CAND2: variants seen among roughly 807,000 people sequenced by gnomAD.
CAND2 encodes the protein cullin-associated NEDD8-dissociated protein 2.
Under a neutral mutation model 98.9 loss-of-function variants are expected in CAND2, and 62 were observed. That is an observed-to-expected ratio of 0.63 (90% CI 0.51 to 0.77). The LOEUF is 0.77. CAND2 is among the 30% of genes least tolerant of loss of function. CAND2 has a pLI of 0.00. For missense variants in CAND2, 1,501 were observed against 1,655.2 expected, an observed-to-expected ratio of 0.91 and a Z score of 1.62; for synonymous variants, 770 against 731.9, an observed-to-expected ratio of 1.05 and a Z score of -0.84.
Position 12,834,311 on chromosome 3 carries a change from A to T in CAND2, c.*329A>T, listed in dbSNP as rs1334391669. ...CTTCAGAGGGTGTCTCTGCCTCACA[A>T]ACTAGTAGTATTTAGAAATAGGCTG... On this transcript the variant is annotated 3_prime_UTR_variant, in exon 15 of 15. Coordinates refer to ENST00000456430, the MANE Select transcript of CAND2 (RefSeq NM_001162499.2). The T allele has an allele frequency of 1.3e-5, 4 of 303,264 alleles. No individual in the cohort carries two copies. The highest frequency in any genetic ancestry group is 2.5e-5 in the Non-Finnish European group (4 of 159,590). 18.8% of individuals were successfully genotyped at this position (303,264 alleles called of 1,614,324 possible). A position where few individuals can be genotyped will look rare whatever the true frequency, so the allele number is the denominator to read the frequency against.
intron 11 of CAND2, among the ~76,000 whole-genome samples, chr3:12,824,628 T>G (rs1559557728): frequency 6.6e-6 from 1 of 151,976 alleles, no homozygotes; most frequent in Non-Finnish European, 1.5e-5. Context: ...ACTGTACAAG[T>G]CTGGGCACAG....
Position 12,822,851 on chromosome 3 carries a change from C to T in CAND2, c.3041-2619C>T, listed in dbSNP as rs369852050. On this transcript the variant is annotated intron_variant, in intron 11 of 14. Coordinates refer to ENST00000456430, the MANE Select transcript of CAND2 (RefSeq NM_001162499.2). ...ATGTCTATACGCAGAGACACAAACA[C>T]ATACGTGTATACATGTGCTTCCAGA... Among the ~76,000 whole-genome samples the T allele has an allele frequency of 9.2e-5, 14 of 152,324 alleles. 1 individual carries two copies. Among genetic ancestry groups the T allele is most frequent in the Admixed American group, 6.5e-4 (10 of 15,304 alleles).
chr3:12,821,094 T>C (rs4549256), intron 11 of CAND2, among the ~76,000 whole-genome samples: 104,458 of 151,666 alleles, frequency 0.69, 36,366 homozygotes, highest in African/African-American at 0.78. Flanking sequence ...ATGAGCCGGG[T>C]ATGATGGCAG....
At chr3:12,825,706 G>T in intron 12 of CAND2, 67 bp downstream of exon 12, 1 of 1,451,568 alleles carries the variant, frequency 6.9e-7, no homozygotes, top group Non-Finnish European at 9.4e-7. Flanking sequence ...CTCACTGTTA[G>T]GGCATTATTA....
At chr3:12,828,442 A>AT (rs2062021442) in intron 13 of CAND2, among the ~76,000 whole-genome samples, 1 of 148,942 alleles carries the variant, frequency 6.7e-6, no homozygotes, top group African/African-American at 2.5e-5. Flanking sequence ...GGTTCAAGCG[A>AT]TTCTCCTGCC....
chr3:12,816,914 T>G lies in CAND2; in HGVS notation c.1982T>G (p.Leu661Arg). The G allele has an allele frequency of 1.9e-6, 3 of 1,613,792 alleles. No individual in the cohort carries two copies. Among genetic ancestry groups the G allele is most frequent in the African/African-American group, 1.3e-5 (1 of 75,042 alleles). Residue 661 changes from leucine (L) to arginine (R), a missense_variant, in exon 10 of 15, where the codon CTG becomes CGG. Physicochemically the swap from Leu to Arg is moderately radical, Grantham distance 102. Coordinates refer to ENST00000456430, the MANE Select transcript of CAND2 (RefSeq NM_001162499.2). The stretch of plus-strand genomic sequence containing the variant: ...GCACTGCACATTCTGGCCTCATTCC[T>G]GCGGAAGAACCAGCGGGCTTTGCGA... ...AEALHILASF[L>R]RKNQRALRLA...
At chr3:12,801,060 T>C (rs911374016) in intron 1 of CAND2, among the ~76,000 whole-genome samples, 1 of 121,146 alleles carries the variant, frequency 8.3e-6, no homozygotes, top group Non-Finnish European at 1.7e-5. Context: ...TTTTTTGAGA[T>C]GGATACTCGC....
At chr3:12,803,373 C>A in intron 1 of CAND2, 115 bp from the exon 2 acceptor site, 1 of 929,508 alleles carries the variant, frequency 1.1e-6, no homozygotes, top group Non-Finnish European at 1.6e-6. Flanking sequence ...CACAGGACTG[C>A]ATTTGACCTC....
rs2062083224 is a variant in CAND2 at position 12,834,489 on chromosome 3, T to C, written c.*507T>C. ...TTTAAAATTCAAAACGGTTCATTTTTAAGTGGCAGTGATGAATCAGAAATT... is the reference window on the plus strand; with the variant it reads ...TTTAAAATTCAAAACGGTTCATTTTCAAGTGGCAGTGATGAATCAGAAATT... On this transcript the variant is annotated 3_prime_UTR_variant, in exon 15 of 15. Coordinates refer to ENST00000456430, the MANE Select transcript of CAND2 (RefSeq NM_001162499.2). 6.4e-6 allele frequency: 1 copy of C among 155,136 alleles called. No homozygotes were observed. The highest frequency in any genetic ancestry group is 2.4e-5 in the African/African-American group (1 of 41,498). The allele number at this position is 155,136 out of a possible 1,614,324, so 9.6% of individuals were successfully genotyped here.
chr3:12,826,407 T>C (rs1308830217), intron 12 of CAND2, among the ~76,000 whole-genome samples: 1 of 146,590 alleles, frequency 6.8e-6, no homozygotes, highest in Non-Finnish European at 1.5e-5. Context: ...GGTTGAAAGC[T>C]TCAGAAAGAC....
intron 2 of CAND2, among the ~76,000 whole-genome samples, chr3:12,804,070 G>C (rs1480455498): frequency 2.0e-5 from 3 of 152,118 alleles, no homozygotes; most frequent in Non-Finnish European, 2.9e-5. Flanking sequence ...GTAGGATGGA[G>C]GGTTGTCCAC....
chr3:12,834,339 C>A lies in CAND2; in HGVS notation c.*357C>A. The A allele has an allele frequency of 4.3e-6, 1 of 234,060 alleles. No homozygotes were observed. Among genetic ancestry groups the A allele is most frequent in the Non-Finnish European group, 8.5e-6 (1 of 117,476 alleles). 14.5% of individuals were successfully genotyped at this position (234,060 alleles called of 1,614,324 possible). On this transcript the variant is annotated 3_prime_UTR_variant, in exon 15 of 15. Coordinates refer to ENST00000456430, the MANE Select transcript of CAND2 (RefSeq NM_001162499.2). Reference sequence around the variant, plus strand: ...TAGTAGTATTTAGAAATAGGCTGTGCTGTCAGCTGTAAAAGATCAGGAGGC... The same window carrying A: ...TAGTAGTATTTAGAAATAGGCTGTGATGTCAGCTGTAAAAGATCAGGAGGC...
intron 11 of CAND2, among the ~76,000 whole-genome samples, chr3:12,825,116 CTT>C (rs528083266): frequency 7.0e-6 from 1 of 143,652 alleles, no homozygotes; most frequent in African/African-American, 2.6e-5. Context: ...AAATTTTTTT[CTT>C]TTTTTTTTTT....
At chr3:12,800,214 C>T (rs549673090) in intron 1 of CAND2, among the ~76,000 whole-genome samples, 3 of 152,362 alleles carry the variant, frequency 2.0e-5, no homozygotes, top group South Asian at 4.1e-4. Context: ...CAGCCTCCTT[C>T]TCTCTCCTAG....
rs564295516 is a variant in CAND2 at position 12,812,909 on chromosome 3, A to G, written c.758-81A>G. 39 of 841,154 alleles carry G rather than the reference A, an allele frequency of 4.6e-5. No individual in the cohort carries two copies. The African/African-American group carries it at 4.7e-4, about 10-fold the overall frequency. The allele number at this position is 841,154 out of a possible 1,614,324, so 52.1% of individuals were successfully genotyped here. A position where few individuals can be genotyped will look rare whatever the true frequency, so the allele number is the denominator to read the frequency against. Reference sequence around the variant, plus strand: ...CTACAGTGGTCAGGGCTGCAGGTGCATAGACAGTCTGAGTGCTGTGGGCTG... The same window carrying G: ...CTACAGTGGTCAGGGCTGCAGGTGCGTAGACAGTCTGAGTGCTGTGGGCTG... On this transcript the variant is annotated intron_variant, in intron 5 of 14. Coordinates refer to ENST00000456430, the MANE Select transcript of CAND2 (RefSeq NM_001162499.2).
chr3:12,811,136 C>A (rs1225420217), intron 5 of CAND2, among the ~76,000 whole-genome samples: 1 of 151,382 alleles, frequency 6.6e-6, no homozygotes, highest in Non-Finnish European at 1.5e-5. Flanking sequence ...GGGGGGGGAA[C>A]CCCAGCTGAC....
intron 9 of CAND2, 31 bp from the exon 10 acceptor site, chr3:12,816,340 CGGT>C: frequency 6.4e-7 from 1 of 1,569,808 alleles, no homozygotes; most frequent in Non-Finnish European, 8.7e-7. Flanking sequence ...GCATCAGAGG[CGGT>C]GGCCTCATAA....
At position 12,815,119 on chromosome 3, in the gene CAND2, G is replaced by T. The variant is rs770498503; in HGVS notation, c.1007-22G>T. On this transcript the variant is annotated intron_variant, in intron 7 of 14. Transcript: ENST00000456430. The surrounding 1 kb of genome is among the most constrained non-coding windows in gnomAD (Gnocchi z 5.7). ...CTGTCCTGGGAGATGAGGGTTCCAC[G>T]TGTGTCTTGTTCCTGCCCCAGAGAG... 16 of 1,587,910 alleles carry T rather than the reference G, an allele frequency of 1.0e-5. No homozygotes were observed. The Admixed American group carries it at 2.7e-4, about 27-fold the overall frequency.
At position 12,803,524 on chromosome 3, in the gene CAND2, G is replaced by A; in HGVS notation, c.105G>A (p.Gln35=). 6.2e-7 allele frequency: 1 copy of A among 1,613,334 alleles called. No individual in the cohort carries two copies. The highest frequency in any genetic ancestry group is 2.2e-5 in the East Asian group (1 of 44,832). Reference sequence around the variant, plus strand: ...CCAGCGACCTGATGTCGGAGTTGCAGAAGGACTCCATCCAGCTGGACGAGG... The same window carrying A: ...CCAGCGACCTGATGTCGGAGTTGCAAAAGGACTCCATCCAGCTGGACGAGG... ...MATSDLMSEL[Q]KDSIQLDEDS... Residue 35 remains glutamine, a synonymous_variant, in exon 2 of 15, where the codon CAG becomes CAA. Transcript: ENST00000456430.
Sources: allele counts gnomAD v4.1 joint callset (sites outside exome capture counted in the v4.1 genomes callset), GRCh38; gene constraint gnomAD v4.1.1; non-coding constraint Gnocchi (gnomAD v3.1); transcripts MANE v1.5; gene names NCBI Gene and HGNC (gene_info 2026-07-23, HGNC 2026-07-21).